Variants in SMG6 observed in about 807,000 individuals in gnomAD.
SMG6 encodes the protein telomerase-binding protein EST1A.
SMG6 carries 66 observed loss-of-function variants against 142.2 expected under a neutral mutation model. That is an observed-to-expected ratio of 0.46 (90% CI 0.38 to 0.57). SMG6 has a LOEUF of 0.57. Among genes scored for constraint, SMG6 ranks in the 20% least tolerant of loss-of-function variants. SMG6 has a pLI of 0.00. For synonymous variants in SMG6, 779 were observed against 702.4 expected (o/e 1.11, Z -1.72); for missense variants, 1,793 against 1,832.0 (o/e 0.98, Z 0.39).
At chr17:2,293,294 C>T (rs559126389) in intron 4 of SMG6, among the ~76,000 whole-genome samples, 6 of 152,098 alleles carry the variant, frequency 3.9e-5, no homozygotes, top group Non-Finnish European at 5.9e-5. Context: ...TCTGACTCTA[C>T]GGAATAGTGT....
At chr17:2,252,081 C>T (rs2074058304) in intron 8 of SMG6, among the ~76,000 whole-genome samples, 1 of 149,570 alleles carries the variant, frequency 6.7e-6, no homozygotes, top group Non-Finnish European at 1.5e-5. Context: ...GCCTAGGAAA[C>T]AAGAGCGAAA....
At chr17:2,296,541 C>T (rs2075146481) in intron 4 of SMG6, among the ~76,000 whole-genome samples, 2 of 152,234 alleles carry the variant, frequency 1.3e-5, no homozygotes, top group Non-Finnish European at 2.9e-5. Flanking sequence ...TAACTCCTGT[C>T]AGATCAGCAG....
At chr17:2,168,585 A>G (rs999391564) in intron 13 of SMG6, among the ~76,000 whole-genome samples, 1 of 152,084 alleles carries the variant, frequency 6.6e-6, no homozygotes, top group East Asian at 1.9e-4. Context: ...TTTTCTCTTG[A>G]GCCTCAGTAT....
rs1215537951 is a variant in SMG6, at chr17:2,258,058, C to CATATAT, written c.2662-13340_2662-13339insATATAT. On this transcript the variant is annotated intron_variant, in intron 8 of 18. Transcript: ENST00000263073. ...AAATATACACACACACACACACACA[C>CATATAT]ACACACACATATATATACATATATA... 7.5e-4 allele frequency among the ~76,000 whole-genome samples: 71 copies of CATATAT among 95,078 alleles called. 4 individuals are homozygous for CATATAT. The East Asian group carries it at 9.6e-3, about 13-fold the overall frequency. 62.4% of individuals were successfully genotyped at this position (95,078 alleles called of 152,430 possible).
chr17:2,190,354 C>T (rs2072121837), intron 10 of SMG6, among the ~76,000 whole-genome samples: 1 of 152,170 alleles, frequency 6.6e-6, no homozygotes, highest in Admixed American at 6.5e-5. Context: ...GTTACCTGCA[C>T]TCAGAAGGCT....
At chr17:2,207,116 C>A (rs7342866) in intron 10 of SMG6, among the ~76,000 whole-genome samples, 84,256 of 103,808 alleles carry the variant, frequency 0.81, 32,437 homozygotes, top group Admixed American at 0.85. Context: ...TACTAAAAAT[C>A]CAAAAAAAAA....
At chr17:2,093,003 C>A (rs969209794) in intron 13 of SMG6, among the ~76,000 whole-genome samples, 6 of 151,966 alleles carry the variant, frequency 3.9e-5, no homozygotes, top group African/African-American at 1.5e-4. Context: ...GAGATCAGCC[C>A]GGCCAACATG....
In SMG6 at chr17:2,085,620, C is replaced by A; in HGVS notation, c.3534+105G>T. The A allele has an allele frequency of 8.5e-7, 1 of 1,170,178 alleles. No homozygotes were observed. Among genetic ancestry groups the A allele is most frequent in the Non-Finnish European group, 1.2e-6 (1 of 818,500 alleles). The allele number at this position is 1,170,178 out of a possible 1,614,324, so 72.5% of individuals were successfully genotyped here. ...AGCTGGCTGGTCACATTAACACAGA[C>A]GCTGTTCTCTGTGCTCATAAATAAG... On this transcript the variant is annotated intron_variant, in intron 14 of 18. Transcript: ENST00000263073. This position sits in a 1 kb window ranked among gnomAD's most constrained non-coding sequence, Gnocchi z 4.1.
chr17:2,261,028 C>T (rs960398330), intron 8 of SMG6, among the ~76,000 whole-genome samples: 10 of 151,014 alleles, frequency 6.6e-5, no homozygotes, highest in Non-Finnish European at 1.0e-4. Flanking sequence ...AAAAAAAAGT[C>T]GGGCGCGGTG....
chr17:2,067,979 C>G (rs751822642), intron 16 of SMG6, among the ~76,000 whole-genome samples: 20 of 152,150 alleles, frequency 1.3e-4, no homozygotes, highest in Non-Finnish European at 2.4e-4. Context: ...GATGTGCAAA[C>G]GCCTGGGCCT....
chr17:2,101,386 G>A (rs1032642800), intron 13 of SMG6: 21 of 152,328 alleles, frequency 1.4e-4, no homozygotes, highest in African/African-American at 4.8e-4. Context: ...ACAGCCGTGA[G>A]CCACTGCACC....
At chr17:2,294,066 T>C (rs1179299200) in intron 4 of SMG6, among the ~76,000 whole-genome samples, 1 of 152,138 alleles carries the variant, frequency 6.6e-6, no homozygotes, top group Non-Finnish European at 1.5e-5. Context: ...GAAATTAACA[T>C]ATCACTGAAT....
chr17:2,102,554 T>TTTA (rs1555535554), intron 13 of SMG6, among the ~76,000 whole-genome samples: 2 of 143,156 alleles, frequency 1.4e-5, no homozygotes, highest in African/African-American at 2.6e-5. Context: ...TTTTTTTTTT[T>TTTA]AGAGATGAGG....
chr17:2,124,732 G>A (rs764938123), intron 13 of SMG6, among the ~76,000 whole-genome samples: 8 of 152,168 alleles, frequency 5.3e-5, no homozygotes, highest in Admixed American at 1.3e-4. Flanking sequence ...CAGGTCTTCC[G>A]CATCCTACCA....
At chr17:2,188,250 T>G in intron 11 of SMG6, 149 bp downstream of exon 11, 1 of 665,638 alleles carries the variant, frequency 1.5e-6, no homozygotes, top group Non-Finnish European at 2.6e-6. Context: ...TGGGACTAGT[T>G]AGGCAGGCAA....
chr17:2,228,084 G>A (rs979239576), intron 10 of SMG6, among the ~76,000 whole-genome samples: 2 of 152,152 alleles, frequency 1.3e-5, no homozygotes, highest in Non-Finnish European at 2.9e-5. Flanking sequence ...CTTTTTTTGA[G>A]ACAAACTCTC....
chr17:2,177,881 A>G (rs909029129), intron 12 of SMG6, among the ~76,000 whole-genome samples: 5 of 152,188 alleles, frequency 3.3e-5, no homozygotes, highest in African/African-American at 4.8e-5. Flanking sequence ...AAGACATGCA[A>G]TATCTGCCTT....
In SMG6 at chr17:2,158,795, T is replaced by C. The variant is rs193155585; in HGVS notation, c.3357+13863A>G. 4.1e-5 allele frequency among the ~76,000 whole-genome samples: 6 copies of C among 144,588 alleles called. No homozygotes were observed. The East Asian group carries it at 1.2e-3, about 30-fold the overall frequency. 94.9% of individuals were successfully genotyped at this position (144,588 alleles called of 152,430 possible). On this transcript the variant is annotated intron_variant, in intron 13 of 18. Transcript: ENST00000263073. Reference sequence around the variant, plus strand: ...AGACAGGTGTGGTGGCGTGCACCCATAGTCCCAGCTACTGGGGAGGCTAAG... The same window carrying C: ...AGACAGGTGTGGTGGCGTGCACCCACAGTCCCAGCTACTGGGGAGGCTAAG...
intron 13 of SMG6, among the ~76,000 whole-genome samples, chr17:2,119,980 A>G (rs1324814558): frequency 6.6e-6 from 1 of 151,702 alleles, no homozygotes; most frequent in African/African-American, 2.4e-5. Flanking sequence ...CTAACGTCTT[A>G]TATTTTTAGT....
Sources: allele counts gnomAD v4.1 joint callset (sites outside exome capture counted in the v4.1 genomes callset), GRCh38; gene constraint gnomAD v4.1.1; non-coding constraint Gnocchi (gnomAD v3.1); transcripts MANE v1.5; gene names NCBI Gene and HGNC (gene_info 2026-07-23, HGNC 2026-07-21).